The following ERMARD variants were observed in gnomAD, a reference collection of about 807,000 sequenced individuals.
ERMARD encodes the protein ER membrane associated RNA degradation, also known as endoplasmic reticulum membrane-associated RNA degradation protein.
A neutral mutation model predicts 83.9 loss-of-function variants in ERMARD; 71 were observed. That is an observed-to-expected ratio of 0.85 (90% confidence interval 0.70 to 1.03). The LOEUF (loss-of-function observed/expected upper bound fraction) is 1.03, where lower values mean the gene tolerates loss of function less well. Ranked by LOEUF, ERMARD falls within the 50% of genes least tolerant of loss-of-function variation. ERMARD has a pLI of 0.00. For missense variants in ERMARD, 838 were observed against 810.9 expected, an observed-to-expected ratio of 1.03 and a Z score of -0.41; for synonymous variants, 284 against 298.6, an observed-to-expected ratio of 0.95 and a Z score of 0.50.
intron 10 of ERMARD, 84 bp downstream of exon 10, chr6:169,766,751 G>C: frequency 7.3e-7 from 1 of 1,379,268 alleles, no homozygotes; most frequent in South Asian, 1.5e-5. Context: ...CAAAATTAAA[G>C]ATCAGCCATA....
intron 3 of ERMARD, 92 bp downstream of exon 3, chr6:169,755,514 A>G: frequency 1.3e-6 from 2 of 1,497,520 alleles, no homozygotes; most frequent in Non-Finnish European, 1.8e-6. Flanking sequence ...GGCCTCCTTC[A>G]TCCCCAGGCC....
intron 8 of ERMARD, among the ~76,000 whole-genome samples, chr6:169,762,062 A>T (rs1169451158): frequency 6.6e-6 from 1 of 151,874 alleles, no homozygotes; most frequent in Non-Finnish European, 1.5e-5. Context: ...AGTTATTGTG[A>T]TGTTGGTGTC....
intron 16 of ERMARD, 41 bp downstream of exon 16, chr6:169,776,714 C>A: frequency 6.2e-7 from 1 of 1,603,904 alleles, no homozygotes; most frequent in Non-Finnish European, 8.5e-7. Context: ...CACTGTGGGG[C>A]AGGAAGTTGT....
At chr6:169,757,536 A>G (rs889300074) in intron 5 of ERMARD, among the ~76,000 whole-genome samples, 1 of 152,212 alleles carries the variant, frequency 6.6e-6, no homozygotes, top group Non-Finnish European at 1.5e-5. Context: ...TTAAACTTAC[A>G]GTGGAAAAAA....
At chr6:169,780,258 AAATACC>A (rs1178387749) in intron 17 of ERMARD, among the ~76,000 whole-genome samples, 3 of 152,148 alleles carry the variant, frequency 2.0e-5, no homozygotes, top group South Asian at 4.1e-4. Context: ...TCTACCCACA[AAATACC>A]AATGGCACCC....
At chr6:169,767,991 T>C in intron 10 of ERMARD, 112 bp from the exon 11 acceptor site, 1 of 800,744 alleles carries the variant, frequency 1.2e-6, no homozygotes, top group Non-Finnish European at 2.1e-6. Context: ...TTAATTTGCT[T>C]AGACCTTAGA....
Position 169,755,381 on chromosome 6 carries a change from A to G in ERMARD, c.274A>G (p.Ile92Val), listed in dbSNP as rs17860632. ...FLSLTKGQFE[I>V]RYAPWFQWTS... ...ATCTCTGACCAAGGGGCAATTTGAA[A>G]TTCGATATGCACCGTGGTTCCAGTG... Residue 92 changes from isoleucine to valine, a missense_variant, in exon 3 of 18, where the codon ATT becomes GTT. Ile to Val is a conservative substitution (Grantham distance 29, BLOSUM62 3). Transcript: ENST00000366773. 28,495 of 1,614,166 alleles carry G rather than the reference A, an allele frequency of 0.018. 346 individuals are homozygous for G. The highest frequency in any genetic ancestry group is 0.022 in the Non-Finnish European group (25,745 of 1,180,022).
Position 169,769,642 on chromosome 6 carries a change from A to C in ERMARD, c.1162A>C (p.Asn388His). ...NLHEFSKETT[N>H]QLLAFSLVLL... is the part of the protein sequence containing the mutation. ...ACATGAATTTTCAAAAGAAACAACTAATCAGTTGCTTGCATTTTCTCTTGT... is the reference window on the plus strand; with the variant it reads ...ACATGAATTTTCAAAAGAAACAACTCATCAGTTGCTTGCATTTTCTCTTGT... Residue 388 changes from asparagine (N) to histidine (H), a missense_variant, in exon 12 of 18, where the codon AAT becomes CAT. By Grantham distance (68) the Asn-to-His change is moderately conservative (BLOSUM62 1). Coordinates refer to ENST00000366773, the MANE Select transcript of ERMARD (RefSeq NM_018341.3). The C allele has an allele frequency of 6.2e-7, 1 of 1,612,938 alleles. No homozygotes were observed. The highest frequency in any genetic ancestry group is 8.5e-7 in the Non-Finnish European group (1 of 1,179,478).
At chr6:169,762,399 G>GT (rs1351027711) in intron 8 of ERMARD, 30 bp from the exon 9 acceptor site, 3 of 1,588,756 alleles carry the variant, frequency 1.9e-6, no homozygotes. Flanking sequence ...GAAATGTGGA[G>GT]TTTTACCTCT....
intron 9 of ERMARD, among the ~76,000 whole-genome samples, chr6:169,762,992 T>C (rs1251360264): frequency 6.6e-6 from 1 of 152,204 alleles, no homozygotes; most frequent in Non-Finnish European, 1.5e-5. Context: ...CATGAAAGCC[T>C]TTGTCTCAGT....
chr6:169,751,616 G>A, upstream of ERMARD: 1 of 1,582,192 alleles, frequency 6.3e-7, no homozygotes, highest in South Asian at 1.1e-5. Flanking sequence ...GCGCGCAGGC[G>A]CCTGCGTCAT....
At position 169,768,757 on chromosome 6, in the gene ERMARD, C is replaced by T. The variant is rs148702058; in HGVS notation, c.1059+586C>T. On this transcript the variant is annotated intron_variant, in intron 11 of 17. Transcript: ENST00000366773. The stretch of plus-strand genomic sequence containing the variant: ...CTCCAGCCTGGGCAACAGAGCAAGA[C>T]TCCGTCTGAAAATAAAAGCAACAGT... Among the ~76,000 whole-genome samples the T allele has an allele frequency of 1.1e-4, 16 of 152,280 alleles. No homozygotes were observed. The East Asian group carries it at 2.7e-3, about 26-fold the overall frequency.
intron 6 of ERMARD, 126 bp from the exon 7 acceptor site, chr6:169,759,712 G>A (rs767257878): frequency 4.2e-5 from 39 of 932,754 alleles, no homozygotes; most frequent in South Asian, 3.8e-4. Flanking sequence ...ATGAGCCACC[G>A]TGATCGGACA....
intron 1 of ERMARD, among the ~76,000 whole-genome samples, chr6:169,752,316 G>T (rs73242961): frequency 6.6e-6 from 1 of 152,154 alleles, no homozygotes; most frequent in Non-Finnish European, 1.5e-5. Flanking sequence ...GTGCAGCCTG[G>T]CACCGTTTTA....
intron 2 of ERMARD, 71 bp downstream of exon 2, chr6:169,754,103 C>G: frequency 7.0e-7 from 1 of 1,419,682 alleles, no homozygotes; most frequent in South Asian, 1.5e-5. Flanking sequence ...GTAAAATTCC[C>G]CTTTCTGACC....
chr6:169,752,588 C>G (rs1408148785), intron 1 of ERMARD, among the ~76,000 whole-genome samples: 1 of 152,186 alleles, frequency 6.6e-6, no homozygotes, highest in Non-Finnish European at 1.5e-5. Context: ...GTGGAAAGTG[C>G]AACTTCTGGG....
chr6:169,774,712 G>A (rs1585412557), intron 13 of ERMARD, among the ~76,000 whole-genome samples: 1 of 152,328 alleles, frequency 6.6e-6, no homozygotes, highest in African/African-American at 2.4e-5. Context: ...TAGAAATGGG[G>A]AGCATCTGCC....
At chr6:169,775,509 A>G (rs1350577647) in intron 14 of ERMARD, among the ~76,000 whole-genome samples, 163 bp downstream of exon 14, 1 of 152,206 alleles carries the variant, frequency 6.6e-6, no homozygotes, top group Non-Finnish European at 1.5e-5. Context: ...GTGTCGCTGA[A>G]TGCGATCTTC....
chr6:169,753,115 G>C (rs1266482228), intron 1 of ERMARD: 1 of 152,778 alleles, frequency 6.5e-6, no homozygotes, highest in African/African-American at 2.4e-5. Flanking sequence ...TGGGAAGGTA[G>C]ATACATATTC....
Sources: gnomAD v4.1 joint callset for allele counts (sites outside exome capture counted in the v4.1 genomes callset) on GRCh38, gnomAD v4.1.1 for gene constraint, MANE v1.5 for transcripts, NCBI Gene and HGNC (gene_info 2026-07-23, HGNC 2026-07-21) for gene names.